Variants in CABCOCO1 observed in about 807,000 individuals in gnomAD.
CABCOCO1 encodes the protein ciliary-associated calcium-binding coiled-coil protein 1.
A neutral mutation model predicts 35.7 loss-of-function variants in CABCOCO1; 28 were observed. The observed-to-expected ratio is 0.78, with a 90% CI of 0.58 to 1.07. The LOEUF is 1.07. Ranked by LOEUF, CABCOCO1 falls within the 50% of genes least tolerant of loss-of-function variation. CABCOCO1 has a pLI of 0.00. For synonymous variants in CABCOCO1, 95 were observed against 100.1 expected (o/e 0.95, Z 0.30); for missense variants, 326 against 309.2 (o/e 1.05, Z -0.41).
At chr10:61,689,951 T>G (rs1193801683) in intron 4 of CABCOCO1, among the ~76,000 whole-genome samples, 2 of 152,146 alleles carry the variant, frequency 1.3e-5, no homozygotes, top group African/African-American at 2.4e-5. Flanking sequence ...GGGTAAGAAC[T>G]GAAGAAATGA....
chr10:61,759,936 C>A, intron 5 of CABCOCO1, 123 bp from the exon 6 acceptor site: 2 of 1,272,604 alleles, frequency 1.6e-6, no homozygotes, highest in South Asian at 1.6e-5. Flanking sequence ...ATCAAAAATT[C>A]AAAGGAGGTG....
chr10:61,675,693 T>C (rs1474559402), intron 2 of CABCOCO1, among the ~76,000 whole-genome samples: 5 of 151,356 alleles, frequency 3.3e-5, no homozygotes, highest in African/African-American at 7.3e-5. Context: ...TTAAAGCTAA[T>C]AATTAAAGAG....
intron 5 of CABCOCO1, among the ~76,000 whole-genome samples, chr10:61,736,503 C>T (rs922200188): frequency 6.6e-6 from 1 of 152,000 alleles, no homozygotes; most frequent in Non-Finnish European, 1.5e-5. Flanking sequence ...GGTCTACGTG[C>T]CTGTTTTTGT....
chr10:61,730,468 T>C (rs1841276994), intron 5 of CABCOCO1, among the ~76,000 whole-genome samples: 1 of 152,108 alleles, frequency 6.6e-6, no homozygotes, highest in Non-Finnish European at 1.5e-5. Flanking sequence ...AATACATCAG[T>C]AGAATGACAA....
intron 5 of CABCOCO1, among the ~76,000 whole-genome samples, chr10:61,714,822 T>TA (rs1482796807): frequency 6.6e-6 from 1 of 152,208 alleles, no homozygotes; most frequent in Admixed American, 6.5e-5. Context: ...TTGTGCACTT[T>TA]TGAGTGAGTT....
At chr10:61,680,037 T>A (rs1382615621) in intron 2 of CABCOCO1, among the ~76,000 whole-genome samples, 1 of 151,774 alleles carries the variant, frequency 6.6e-6, no homozygotes, top group African/African-American at 2.4e-5. Context: ...ATGAACTGGG[T>A]GCGGTGTTCA....
chr10:61,751,500 G>A (rs994177481), intron 5 of CABCOCO1, among the ~76,000 whole-genome samples: 1 of 152,126 alleles, frequency 6.6e-6, no homozygotes, highest in African/African-American at 2.4e-5. Context: ...AGAAGCTGGT[G>A]ATGCCACCAA....
chr10:61,750,531 G>A (rs1841758681), intron 5 of CABCOCO1, among the ~76,000 whole-genome samples: 2 of 152,138 alleles, frequency 1.3e-5, no homozygotes, highest in African/African-American at 2.4e-5. Flanking sequence ...AGCCGAGATC[G>A]TGCCACTGGA....
chr10:61,680,602 G>GT (rs1839717833), intron 2 of CABCOCO1, among the ~76,000 whole-genome samples: 2 of 7,482 alleles, frequency 2.7e-4, no homozygotes, highest in African/African-American at 1.0e-3. Context: ...TGTTATACAT[G>GT]TATAACATGT....
chr10:61,757,700 GACACACAC>G (rs67841126), intron 5 of CABCOCO1, among the ~76,000 whole-genome samples: 84 of 147,866 alleles, frequency 5.7e-4, no homozygotes, highest in African/African-American at 1.8e-3. Flanking sequence ...CACACACACA[GACACACAC>G]ACACACACAC....
At chr10:61,701,690 G>C in intron 5 of CABCOCO1, 1 of 984,836 alleles carries the variant, frequency 1.0e-6, no homozygotes, top group Non-Finnish European at 1.2e-6. Context: ...TCTTTTCTAG[G>C]GTGTCCAGAT....
chr10:61,746,164 C>A (rs1045869108), intron 5 of CABCOCO1, among the ~76,000 whole-genome samples: 1 of 152,160 alleles, frequency 6.6e-6, no homozygotes, highest in South Asian at 2.1e-4. Flanking sequence ...TAATAATAAT[C>A]ACAATAAATA....
intron 5 of CABCOCO1, among the ~76,000 whole-genome samples, chr10:61,695,882 C>A (rs10761588): frequency 1.3e-5 from 2 of 151,790 alleles, no homozygotes; most frequent in East Asian, 3.9e-4. Context: ...ATTTTTAGAT[C>A]AAAAAAATAA....
At chr10:61,666,252 T>A (rs1436270851) in intron 1 of CABCOCO1, among the ~76,000 whole-genome samples, 1 of 152,174 alleles carries the variant, frequency 6.6e-6, no homozygotes, top group Non-Finnish European at 1.5e-5. Flanking sequence ...GGGGCTCAAT[T>A]GAGCAGCAAA....
chr10:61,746,319 CT>C (rs1388975314), intron 5 of CABCOCO1, among the ~76,000 whole-genome samples: 3 of 152,114 alleles, frequency 2.0e-5, no homozygotes, highest in African/African-American at 7.2e-5. Flanking sequence ...TAGTTCTGAA[CT>C]TTAATAATAT....
chr10:61,760,505 A>G (rs892955621), intron 6 of CABCOCO1, among the ~76,000 whole-genome samples: 1 of 152,056 alleles, frequency 6.6e-6, no homozygotes, highest in Non-Finnish European at 1.5e-5. Flanking sequence ...CCCCAGATTG[A>G]CATTGTTTCT....
intron 5 of CABCOCO1, among the ~76,000 whole-genome samples, chr10:61,697,725 T>C (rs183641090): frequency 3.3e-5 from 5 of 152,244 alleles, no homozygotes; most frequent in African/African-American, 1.2e-4. Context: ...TCCCAAGAAG[T>C]ATAATGCTAA....
chr10:61,742,409 T>C (rs1028423795), intron 5 of CABCOCO1, among the ~76,000 whole-genome samples: 4 of 152,102 alleles, frequency 2.6e-5, no homozygotes, highest in African/African-American at 9.7e-5. Flanking sequence ...ACGAACTATA[T>C]GCAAGATGCT....
intron 5 of CABCOCO1, among the ~76,000 whole-genome samples, chr10:61,743,155 A>G (rs1037091953): frequency 6.6e-6 from 1 of 152,236 alleles, no homozygotes; most frequent in Admixed American, 6.5e-5. Flanking sequence ...TAATTACATT[A>G]ATCAAGCAGG....
Sources: allele counts gnomAD v4.1 joint callset (sites outside exome capture counted in the v4.1 genomes callset), GRCh38; gene constraint gnomAD v4.1.1; transcripts MANE v1.5; gene names NCBI Gene and HGNC (gene_info 2026-07-23, HGNC 2026-07-21).